The following TENM4 variants were observed in gnomAD, a reference collection of about 807,000 sequenced individuals.
TENM4 encodes the protein teneurin-4.
In TENM4, 82 loss-of-function variants were observed where a neutral mutation model predicts 243.3. The ratio of observed to expected loss-of-function variants is 0.34; its 90% confidence interval spans 0.28 to 0.40. TENM4 has a LOEUF of 0.40. Among genes scored for constraint, TENM4 ranks in the 10% least tolerant of loss-of-function variants. The pLI is 1.00. For missense variants in TENM4, 3,138 were observed against 3,673.3 expected, an observed-to-expected ratio of 0.85 and a Z score of 3.77; for synonymous variants, 1,412 against 1,456.3, an observed-to-expected ratio of 0.97 and a Z score of 0.69.
chr11:78,974,685 T>C (rs2136593005), intron 6 of TENM4, among the ~76,000 whole-genome samples: 1 of 151,296 alleles, frequency 6.6e-6, no homozygotes, highest in South Asian at 2.1e-4. Flanking sequence ...CACCTCCCTT[T>C]CTTTCTTTTT....
chr11:79,292,716 G>T (rs1333464359), intron 2 of TENM4, among the ~76,000 whole-genome samples: 1 of 152,206 alleles, frequency 6.6e-6, no homozygotes, highest in African/African-American at 2.4e-5. Flanking sequence ...AGTCAAGCTG[G>T]GTCCCATTCC....
chr11:79,192,094 G>A (rs533161775), intron 3 of TENM4, among the ~76,000 whole-genome samples: 1,738 of 149,898 alleles, frequency 0.012, 44 homozygotes, highest in African/African-American at 0.041. Flanking sequence ...AGGGAGGTGG[G>A]GGGGGGTCAG....
At chr11:78,960,042 C>T (rs1044043431) in intron 6 of TENM4, among the ~76,000 whole-genome samples, 1 of 152,002 alleles carries the variant, frequency 6.6e-6, no homozygotes, top group Non-Finnish European at 1.5e-5. Flanking sequence ...TTAGAAATTG[C>T]TCCATCACTG....
intron 29 of TENM4, among the ~76,000 whole-genome samples, chr11:78,683,321 C>A (rs567277252): frequency 0.011 from 850 of 74,178 alleles, 339 homozygotes; most frequent in African/African-American, 0.058. Flanking sequence ...TCGAGCTTCG[C>A]GGCTGCTTTG....
intron 3 of TENM4, among the ~76,000 whole-genome samples, chr11:79,212,895 G>A (rs55861308): frequency 0.039 from 6,012 of 152,260 alleles, 382 homozygotes; most frequent in African/African-American, 0.13. Context: ...GAGGGAGACG[G>A]GAACTCACAG....
intron 3 of TENM4, among the ~76,000 whole-genome samples, chr11:79,177,430 C>A (rs576068505): frequency 7.1e-6 from 1 of 140,570 alleles, no homozygotes; most frequent in Non-Finnish European, 1.6e-5. Flanking sequence ...CTTTTCTTTT[C>A]TTTCTTCTCC....
intron 6 of TENM4, chr11:79,014,726 G>C (rs1034894646): frequency 2.6e-5 from 4 of 152,240 alleles, no homozygotes; most frequent in African/African-American, 9.6e-5. Context: ...TGCAAATCAA[G>C]TTATAACCAC....
intron 3 of TENM4, among the ~76,000 whole-genome samples, chr11:79,182,140 A>G (rs962204474): frequency 4.6e-5 from 7 of 152,158 alleles, no homozygotes; most frequent in African/African-American, 1.7e-4. Context: ...AGCCAACTCA[A>G]CATTGGAGAA....
chr11:79,393,617 G>T (rs1415892854), intron 1 of TENM4, among the ~76,000 whole-genome samples: 1 of 152,216 alleles, frequency 6.6e-6, no homozygotes, highest in Non-Finnish European at 1.5e-5. Context: ...TGCAAAAAAG[G>T]CAGGCTGAGG....
intron 1 of TENM4, among the ~76,000 whole-genome samples, chr11:79,351,196 G>T (rs1857409787): frequency 6.6e-6 from 1 of 152,128 alleles, no homozygotes; most frequent in Non-Finnish European, 1.5e-5. Flanking sequence ...ATTTGCAATA[G>T]ACATGCCTTC....
chr11:78,700,564 A>T (rs541780978), intron 28 of TENM4, among the ~76,000 whole-genome samples: 1 of 152,342 alleles, frequency 6.6e-6, no homozygotes, highest in South Asian at 2.1e-4. Flanking sequence ...GCTTAAAAAA[A>T]TCTAAGTAGA....
intron 9 of TENM4, among the ~76,000 whole-genome samples, chr11:78,878,040 T>TAA (rs1250866799): frequency 6.6e-6 from 1 of 152,254 alleles, no homozygotes; most frequent in Non-Finnish European, 1.5e-5. Flanking sequence ...CAGCCGCCTC[T>TAA]GGCTTTGTCT....
chr11:78,709,710 G>A (rs1859352927), intron 26 of TENM4, among the ~76,000 whole-genome samples: 1 of 152,186 alleles, frequency 6.6e-6, no homozygotes, highest in South Asian at 2.1e-4. Flanking sequence ...ACAAACCAGA[G>A]TCTGAGAACC....
At chr11:79,412,294 C>T (rs945222636) in intron 1 of TENM4, among the ~76,000 whole-genome samples, 1 of 152,222 alleles carries the variant, frequency 6.6e-6, no homozygotes, top group Non-Finnish European at 1.5e-5. Context: ...GCAAAGATGG[C>T]CAGCTCCCTC....
At chr11:79,015,674 G>A (rs1045406845) in intron 6 of TENM4, among the ~76,000 whole-genome samples, 8 of 152,190 alleles carry the variant, frequency 5.3e-5, no homozygotes, top group Non-Finnish European at 2.9e-5. Flanking sequence ...TTGAGAGTCT[G>A]CTGCACTATG....
chr11:78,703,992 C>T (rs1367225476), intron 27 of TENM4, among the ~76,000 whole-genome samples: 1 of 149,108 alleles, frequency 6.7e-6, no homozygotes, highest in African/African-American at 2.5e-5. Flanking sequence ...GCTGGTACTA[C>T]AGGCATGTGC....
At chr11:79,178,809 C>T (rs56688049) in intron 3 of TENM4, among the ~76,000 whole-genome samples, 13 of 152,268 alleles carry the variant, frequency 8.5e-5, no homozygotes, top group Admixed American at 3.9e-4. Context: ...AAGAAATACC[C>T]GTCAGTGGGT....
chr11:79,053,920 T>A (rs1198298041), intron 6 of TENM4, among the ~76,000 whole-genome samples: 2 of 152,164 alleles, frequency 1.3e-5, no homozygotes, highest in African/African-American at 4.8e-5. Context: ...TAGTGTGAAA[T>A]TAAATTTGTG....
chr11:78,838,202 GTACTA>G (rs1858163107), intron 12 of TENM4, among the ~76,000 whole-genome samples: 1 of 152,016 alleles, frequency 6.6e-6, no homozygotes, highest in African/African-American at 2.4e-5. Context: ...TGTTTATTGC[GTACTA>G]TACATTTTTT....
Sources: allele counts gnomAD v4.1 joint callset (sites outside exome capture counted in the v4.1 genomes callset), GRCh38; gene constraint gnomAD v4.1.1; transcripts MANE v1.5; gene names NCBI Gene and HGNC (gene_info 2026-07-23, HGNC 2026-07-21).